Variants in PSG2 observed in about 807,000 individuals in gnomAD.
The protein encoded by PSG2 is pregnancy specific beta-1-glycoprotein 2, also known as pregnancy-specific beta-1-glycoprotein 2.
Under a neutral mutation model 36.2 loss-of-function variants are expected in PSG2, and 49 were observed. The ratio of observed to expected loss-of-function variants is 1.35; its 90% CI spans 1.08 to 1.72. PSG2 has a LOEUF of 1.72. Among genes scored for constraint, PSG2 ranks in the 40% most tolerant of loss-of-function variants. PSG2 has a pLI of 0.00. For synonymous variants in PSG2, 261 were observed against 155.6 expected (o/e 1.68, Z -5.04); for missense variants, 605 against 407.2 (o/e 1.49, Z -4.18).
In PSG2 at chr19:43,072,301, G is replaced by C. The variant is rs976263182; in HGVS notation, c.710-347C>G. The C allele has an allele frequency of 4.2e-5, 68 of 1,604,986 alleles. 1 individual carries two copies. The highest frequency in any genetic ancestry group is 5.8e-5 in the Non-Finnish European group (68 of 1,174,868). On this transcript the variant is annotated intron_variant, in intron 3 of 5. Coordinates refer to ENST00000406487, the MANE Select transcript of PSG2 (RefSeq NM_031246.4). ...GAGAGACTGAGAGGCCTGGCCCCTGGTCATTTGGATTTAAGCTGGTGGCCT... is the reference window on the plus strand; with the variant it reads ...GAGAGACTGAGAGGCCTGGCCCCTGCTCATTTGGATTTAAGCTGGTGGCCT...
At position 43,079,942 on chromosome 19, in the gene PSG2, T is replaced by C. The variant is rs570988242; in HGVS notation, c.430+939A>G. On this transcript the variant is annotated intron_variant, in intron 2 of 5. Coordinates refer to ENST00000406487, the MANE Select transcript of PSG2 (RefSeq NM_031246.4). ...TGGTGTGACTCTGGTTCAGTGACTG[T>C]GCCTTCCTGTGCCTCAGTTTTCTCT... Among the ~76,000 whole-genome samples the C allele has an allele frequency of 4.3e-3, 649 of 151,842 alleles. 7 individuals carry two copies. The highest frequency in any genetic ancestry group is 6.8e-3 in the Middle Eastern group (2 of 294).
Position 43,071,703 on chromosome 19 carries a change from A to G in PSG2, c.961T>C (p.Ser321Pro). 1 of 1,612,988 alleles carries G rather than the reference A, an allele frequency of 6.2e-7. No individual in the cohort carries two copies. The highest frequency in any genetic ancestry group is 8.5e-7 in the Non-Finnish European group (1 of 1,179,492). Reference protein sequence around the residue: ...ESSTSLTVKVSASTRIGLLPL... With the variant: ...ESSTSLTVKVPASTRIGLLPL... Reference sequence around the variant, plus strand: ...AAGGATGCTGGGATCCACTTACCAGAGACTTTGACTGTCAACGATGTGGAG... The same window carrying G: ...AAGGATGCTGGGATCCACTTACCAGGGACTTTGACTGTCAACGATGTGGAG... Residue 321 changes from serine to proline, a missense_variant, in exon 4 of 6, where the codon TCT (serine) becomes CCT (proline). By Grantham distance (74) the Ser-to-Pro change is moderately conservative. Coordinates refer to ENST00000406487, the MANE Select transcript of PSG2 (RefSeq NM_031246.4).
chr19:43,082,541 G>C lies in PSG2; in HGVS notation c.29C>G (p.Thr10Arg), dbSNP rs752555673. Residue 10 changes from threonine (T) to arginine (R), a missense_variant, in exon 1 of 6, where the codon ACA becomes AGA. Transcript: ENST00000406487. Reference sequence around the variant, plus strand: ...GAGCCCCTTCCATTTGATGTGCTCTGTGCAGGGAGGGGCTGAGAGGGGCCC... The same window carrying C: ...GAGCCCCTTCCATTTGATGTGCTCTCTGCAGGGAGGGGCTGAGAGGGGCCC... MGPLSAPPC[T>R]EHIKWKGLLV... The C allele has an allele frequency of 5.6e-6, 9 of 1,612,148 alleles. No homozygotes were observed. Among genetic ancestry groups the C allele is most frequent in the Admixed American group, 5.0e-5 (3 of 59,906 alleles).
chr19:43,072,745 C>T (rs888745885), intron 3 of PSG2: 8 of 1,520,130 alleles, frequency 5.3e-6, no homozygotes, highest in African/African-American at 1.4e-5. Flanking sequence ...CCTTGAAAGC[C>T]AATAACTGGT....
At position 43,071,879 on chromosome 19, in the gene PSG2, A is replaced by C. The variant is rs1967823084; in HGVS notation, c.785T>G (p.Phe262Cys). Residue 262 changes from phenylalanine to cysteine, a missense_variant, in exon 4 of 6, where the codon TTC becomes TGC. Coordinates refer to ENST00000406487, the MANE Select transcript of PSG2 (RefSeq NM_031246.4). ...RSGDNLYLSC[F>C]ANSNPPAQYS... ...CTGTGCCGGTGGGTTAGAGTTCGCG[A>C]AGCAAGACAAGTAGAGGTTATCTCC... 6.2e-7 allele frequency: 1 copy of C among 1,612,914 alleles called. No individual in the cohort carries two copies. Among genetic ancestry groups the C allele is most frequent in the Admixed American group, 1.7e-5 (1 of 59,942 alleles).
Position 43,082,556 on chromosome 19 carries a change from G to A in PSG2, c.14C>T (p.Ser5Leu), listed in dbSNP as rs1289480592. 1 of 1,612,130 alleles carries A rather than the reference G, an allele frequency of 6.2e-7. No individual in the cohort carries two copies. Among genetic ancestry groups the A allele is most frequent in the Admixed American group, 1.7e-5 (1 of 59,908 alleles). The change falls in exon 1 of 6, where the codon TCA becomes TTA. Residue 5 changes from serine (S) to leucine (L), a missense_variant. By Grantham distance (145) the Ser-to-Leu change is moderately radical. Coordinates refer to ENST00000406487, the MANE Select transcript of PSG2 (RefSeq NM_031246.4). ...GATGTGCTCTGTGCAGGGAGGGGCT[G>A]AGAGGGGCCCCATGGTCTCTGCTGC... is the stretch of plus-strand genomic sequence containing the variant. MGPLSAPPCTEHIKW... is the reference protein window; with the variant it reads MGPLLAPPCTEHIKW...
chr19:43,070,473 G>A (rs1159532642), intron 4 of PSG2, among the ~76,000 whole-genome samples: 2 of 151,732 alleles, frequency 1.3e-5, no homozygotes, highest in Admixed American at 6.6e-5. Flanking sequence ...TAAGTGGGTA[G>A]GCAAATGAGG....
chr19:43,080,178 T>C (rs1335728232), intron 2 of PSG2, among the ~76,000 whole-genome samples: 2 of 151,736 alleles, frequency 1.3e-5, no homozygotes, highest in Non-Finnish European at 2.9e-5. Context: ...TGTCTTCTGT[T>C]TCTGCTTCTG....
At chr19:43,074,542 G>C (rs867151255) in intron 3 of PSG2, among the ~76,000 whole-genome samples, 1 of 151,660 alleles carries the variant, frequency 6.6e-6, no homozygotes, top group East Asian at 1.9e-4. Context: ...GAAAGAGTGA[G>C]GGGACAGGCA....
chr19:43,076,346 C>A (rs1489668443), intron 2 of PSG2, among the ~76,000 whole-genome samples: 2 of 151,692 alleles, frequency 1.3e-5, no homozygotes, highest in Admixed American at 6.6e-5. Flanking sequence ...CTGAACAAGA[C>A]CATGTGCCCT....
chr19:43,070,025 A>T (rs567474137), intron 4 of PSG2, among the ~76,000 whole-genome samples: 1 of 151,758 alleles, frequency 6.6e-6, no homozygotes, highest in Non-Finnish European at 1.5e-5. Flanking sequence ...AATGAACAAA[A>T]GATTAAAATG....
At chr19:43,077,112 T>G (rs1967907927) in intron 2 of PSG2, among the ~76,000 whole-genome samples, 1 of 151,570 alleles carries the variant, frequency 6.6e-6, no homozygotes, top group Admixed American at 6.6e-5. Flanking sequence ...TTTTCATAAG[T>G]GGAAATTTTT....
In PSG2 at chr19:43,072,398, TC is replaced by T. The variant is rs1381753961; in HGVS notation, c.710-445del. 4 of 1,612,442 alleles carry T rather than the reference TC, an allele frequency of 2.5e-6. No homozygotes were observed. In the African/African-American group the frequency reaches 5.4e-5, roughly 22 times the overall value. ...GTCACTGTGGATGCCACCATATCGGTCCCGTATTTCACATTCATAGGGTCCT... is the reference window on the plus strand; with the variant it reads ...GTCACTGTGGATGCCACCATATCGGTCCGTATTTCACATTCATAGGGTCCT... On this transcript the variant is annotated intron_variant, in intron 3 of 5. Transcript: ENST00000406487.
At chr19:43,072,538 C>A in intron 3 of PSG2, 4 of 1,611,290 alleles carry the variant, frequency 2.5e-6, no homozygotes. Flanking sequence ...AGGTGTAGCT[C>A]TCACTCTTAG....
At chr19:43,069,366 C>T (rs1967785431) in intron 4 of PSG2, among the ~76,000 whole-genome samples, 1 of 151,626 alleles carries the variant, frequency 6.6e-6, no homozygotes, top group African/African-American at 2.4e-5. Context: ...AAAATCTGTC[C>T]TAAAATTTAT....
intron 3 of PSG2, chr19:43,072,390 C>T: frequency 1.9e-6 from 3 of 1,612,682 alleles, no homozygotes; most frequent in South Asian, 2.2e-5. Flanking sequence ...TGGATGCCAC[C>T]ATATCGGTCC....
rs71169213 is a variant in PSG2, at chr19:43,082,122, CTTTTTT to C, written c.64+378_64+383del. ...CTTTCCTTTTATTTCTTTCTTCTCT[CTTTTTT>C]TTTTTTTTTTTTTTTTTTTTTTTTT... On this transcript the variant is annotated intron_variant, in intron 1 of 5. Transcript: ENST00000406487. 1.4e-3 allele frequency: 94 copies of C among 67,936 alleles called. 3 individuals are homozygous for C. The highest frequency in any genetic ancestry group is 2.3e-3 in the Non-Finnish European group (87 of 37,520). The allele number at this position is 67,936 out of a possible 1,614,324, so 4.2% of individuals were successfully genotyped here.
chr19:43,073,914 C>A (rs1418821507), intron 3 of PSG2, among the ~76,000 whole-genome samples: 1 of 151,680 alleles, frequency 6.6e-6, no homozygotes, highest in African/African-American at 2.4e-5. Flanking sequence ...CTAAAATGCT[C>A]CAGTGAGCAT....
At chr19:43,078,658 A>G (rs1967930396) in intron 2 of PSG2, among the ~76,000 whole-genome samples, 2 of 151,570 alleles carry the variant, frequency 1.3e-5, no homozygotes, top group Admixed American at 6.6e-5. Context: ...CCCTGAAACT[A>G]TCCTTGAAAA....
Sources: gnomAD v4.1 joint callset for allele counts (sites outside exome capture counted in the v4.1 genomes callset) on GRCh38, gnomAD v4.1.1 for gene constraint, MANE v1.5 for transcripts, NCBI Gene and HGNC (gene_info 2026-07-23, HGNC 2026-07-21) for gene names.